SHQ1: variants seen among roughly 807,000 people sequenced by gnomAD.
SHQ1 encodes SHQ1, H/ACA ribonucleoprotein assembly factor, also known as protein SHQ1 homolog.
SHQ1 carries 49 observed loss-of-function variants against 53.8 expected under a neutral mutation model. The observed-to-expected ratio is 0.91, with a 90% CI of 0.72 to 1.16. The LOEUF is 1.16. SHQ1 is among the 50% of genes most tolerant of loss of function. SHQ1 has a pLI of 0.00. For synonymous variants in SHQ1, 243 were observed against 251.0 expected (o/e 0.97, Z 0.30); for missense variants, 738 against 683.1 (o/e 1.08, Z -0.90).
At chr3:72,729,780 TA>T in the SHQ1 span, among the ~76,000 whole-genome samples, 2 of 152,136 alleles carry the variant, frequency 1.3e-5, no homozygotes, top group African/African-American at 4.8e-5. Context: ...TTCCACAAAT[TA>T]TTTTTTTATT....
intron 4 of SHQ1, among the ~76,000 whole-genome samples, chr3:72,833,135 CAGA>C (rs1261673966): frequency 1.3e-5 from 2 of 152,124 alleles, no homozygotes; most frequent in Non-Finnish European, 2.9e-5. Flanking sequence ...TTTCAGATTT[CAGA>C]TCCTGTAAAA....
At chr3:72,767,782 G>T (rs993088503) in intron 10 of SHQ1, among the ~76,000 whole-genome samples, 2 of 152,116 alleles carry the variant, frequency 1.3e-5, no homozygotes, top group African/African-American at 4.8e-5. Flanking sequence ...CTAAATATAG[G>T]AATACACAGT....
At chr3:72,737,353 A>G in the SHQ1 span, among the ~76,000 whole-genome samples, 4 of 152,116 alleles carry the variant, frequency 2.6e-5, no homozygotes, top group Admixed American at 1.3e-4. Flanking sequence ...GAAGGGGAGA[A>G]GGAGAGGAGA....
chr3:72,746,199 T>C (rs1705257248), downstream of SHQ1, among the ~76,000 whole-genome samples: 1 of 152,146 alleles, frequency 6.6e-6, no homozygotes. Flanking sequence ...GTGAGCCAGC[T>C]ACAGTGGAGC....
At chr3:72,833,703 C>T (rs1477233213) in intron 4 of SHQ1, among the ~76,000 whole-genome samples, 3 of 152,190 alleles carry the variant, frequency 2.0e-5, no homozygotes, top group East Asian at 3.8e-4. Context: ...GAACATGTTT[C>T]CCAAGCCAAA....
intron 10 of SHQ1, chr3:72,772,917 G>A: frequency 3.6e-6 from 3 of 822,776 alleles, no homozygotes; most frequent in Non-Finnish European, 6.5e-6. Context: ...CTTCTAAATG[G>A]GAGTTATTTG....
chr3:72,780,260 T>C (rs566621680), intron 10 of SHQ1, among the ~76,000 whole-genome samples: 4 of 152,180 alleles, frequency 2.6e-5, no homozygotes, highest in Non-Finnish European at 5.9e-5. Flanking sequence ...TTGACCTGTA[T>C]GATTAATCCA....
intron 10 of SHQ1, among the ~76,000 whole-genome samples, chr3:72,761,870 TG>T (rs1705616920): frequency 6.6e-6 from 1 of 152,216 alleles, no homozygotes; most frequent in Non-Finnish European, 1.5e-5. Flanking sequence ...CAGTTTCCCC[TG>T]GTTCACAATT....
intron 10 of SHQ1, among the ~76,000 whole-genome samples, chr3:72,755,009 G>A (rs1450582275): frequency 6.6e-6 from 1 of 151,986 alleles, no homozygotes; most frequent in East Asian, 1.9e-4. Context: ...GTAGAAATGT[G>A]GAATTCCAAA....
At chr3:72,762,118 T>C (rs1483035173) in intron 10 of SHQ1, among the ~76,000 whole-genome samples, 1 of 152,100 alleles carries the variant, frequency 6.6e-6, no homozygotes, top group Non-Finnish European at 1.5e-5. Context: ...TGCCTATACA[T>C]ACATCTGCCC....
intron 10 of SHQ1, among the ~76,000 whole-genome samples, chr3:72,775,639 T>C (rs1023749172): frequency 1.3e-5 from 2 of 152,138 alleles, no homozygotes; most frequent in Non-Finnish European, 2.9e-5. Context: ...CTCTTCCTGA[T>C]TGTAGGCACC....
intron 10 of SHQ1, among the ~76,000 whole-genome samples, chr3:72,751,512 A>G (rs201488132): frequency 0.04 from 4,920 of 121,774 alleles, 131 homozygotes; most frequent in South Asian, 0.072. Context: ...GTGTGTGTAT[A>G]TATATATATA....
chr3:72,775,030 G>A (rs1038089145), intron 10 of SHQ1, among the ~76,000 whole-genome samples: 26 of 152,266 alleles, frequency 1.7e-4, no homozygotes, highest in African/African-American at 5.8e-4. Flanking sequence ...CAGGAGAATC[G>A]CTTGAACCAG....
chr3:72,760,549 G>C (rs2106717150), intron 10 of SHQ1, among the ~76,000 whole-genome samples: 1 of 152,310 alleles, frequency 6.6e-6, no homozygotes, highest in South Asian at 2.1e-4. Flanking sequence ...CTTTGATGCA[G>C]CTTGAAAGTT....
chr3:72,824,882 GC>G (rs1328658886), intron 5 of SHQ1, among the ~76,000 whole-genome samples: 2 of 150,984 alleles, frequency 1.3e-5, no homozygotes, highest in East Asian at 1.9e-4. Flanking sequence ...GCTCACTGCA[GC>G]CTCAAACTCC....
At position 72,844,547 on chromosome 3, in the gene SHQ1, T is replaced by G. The variant is rs1157207562; in HGVS notation, c.144-124A>C. ...CATTTTTTAAGAAGTTCCTCAGTAT[T>G]TCTTTCACATTTTAATAAACTAAGT... On this transcript the variant is annotated intron_variant, in intron 1 of 10. Transcript: ENST00000325599. 5 of 773,644 alleles carry G rather than the reference T, an allele frequency of 6.5e-6. No individual in the cohort carries two copies. In the Admixed American group the frequency reaches 1.0e-4, roughly 16 times the overall value. The allele number at this position is 773,644 out of a possible 1,614,324, so 47.9% of individuals were successfully genotyped here. A position where few individuals can be genotyped will look rare whatever the true frequency, so the allele number is the denominator to read the frequency against.
chr3:72,772,286 G>A (rs1705871820), intron 10 of SHQ1, among the ~76,000 whole-genome samples: 2 of 152,044 alleles, frequency 1.3e-5, no homozygotes, highest in Non-Finnish European at 2.9e-5. Flanking sequence ...CTACTTGGCA[G>A]GAGAGGGAGG....
downstream of SHQ1, among the ~76,000 whole-genome samples, chr3:72,748,083 A>C (rs1174174213): frequency 6.6e-6 from 1 of 151,890 alleles, no homozygotes; most frequent in African/African-American, 2.4e-5. Flanking sequence ...TGAAAAACTC[A>C]TAATTCATAA....
chr3:72,845,476 T>G (rs1012228762), intron 1 of SHQ1, among the ~76,000 whole-genome samples: 6 of 151,350 alleles, frequency 4.0e-5, no homozygotes, highest in Non-Finnish European at 5.9e-5. Context: ...CAGAGTGAGA[T>G]TCTGTGTCCA....
Sources: allele counts gnomAD v4.1 joint callset (sites outside exome capture counted in the v4.1 genomes callset), GRCh38; gene constraint gnomAD v4.1.1; transcripts MANE v1.5; gene names NCBI Gene and HGNC (gene_info 2026-07-23, HGNC 2026-07-21).